Variants in MAPKAP1 observed in about 807,000 individuals in gnomAD.
MAPKAP1 encodes MAPK associated protein 1.
MAPKAP1 carries 20 observed loss-of-function variants against 65.7 expected under a neutral mutation model. That is an observed-to-expected ratio of 0.30 (90% CI 0.21 to 0.44). The LOEUF (loss-of-function observed/expected upper bound fraction) is 0.44. Among genes scored for constraint, MAPKAP1 ranks in the 20% least tolerant of loss-of-function variants. The probability of loss-of-function intolerance (pLI) is 1.00; values close to 1 mark genes in which losing one functional copy is unlikely to be tolerated. For missense variants in MAPKAP1, 423 were observed against 648.0 expected (o/e 0.65, Z 3.77); for synonymous variants, 222 against 244.3 (o/e 0.91, Z 0.85).
At chr9:125,598,180 A>G (rs994574514) in intron 4 of MAPKAP1, among the ~76,000 whole-genome samples, 2 of 152,154 alleles carry the variant, frequency 1.3e-5, no homozygotes, top group East Asian at 1.9e-4. Flanking sequence ...TCAAAATGGT[A>G]ATACTGAATT....
chr9:125,521,507 A>G lies in MAPKAP1; in HGVS notation c.959-15090T>C, dbSNP rs982038033. 6 of 1,287,338 alleles carry G rather than the reference A, an allele frequency of 4.7e-6. No individual in the cohort carries two copies. The African/African-American group carries it at 7.7e-5, about 17-fold the overall frequency. 79.7% of individuals were successfully genotyped at this position (1,287,338 alleles called of 1,614,324 possible). On this transcript the variant is annotated intron_variant, in intron 7 of 11. Transcript: ENST00000265960. ...ACAGTCATTTATTTTAAACAATTGT[A>G]AAATAGTTTATGGAAACCAGTGGGG...
In MAPKAP1 at chr9:125,594,566, T is replaced by C. The variant is rs1832068584; in HGVS notation, c.499-8839A>G. 2.0e-5 allele frequency among the ~76,000 whole-genome samples: 3 copies of C among 152,262 alleles called. No homozygotes were observed. In the South Asian group the frequency reaches 6.2e-4, roughly 31 times the overall value. On this transcript the variant is annotated intron_variant, in intron 4 of 11. Coordinates refer to ENST00000265960, the MANE Select transcript of MAPKAP1 (RefSeq NM_001006617.3). The stretch of plus-strand genomic sequence containing the variant: ...TGATCAAGAAACATAGCTCTTCTTC[T>C]GTCCTTCAATTCAAATATCACCTCT...
intron 6 of MAPKAP1, among the ~76,000 whole-genome samples, chr9:125,549,565 T>A (rs1359742503): frequency 6.6e-6 from 1 of 152,188 alleles, no homozygotes; most frequent in Admixed American, 6.5e-5. Flanking sequence ...ATGCGATGTT[T>A]GACATTGGAC....
At chr9:125,497,786 A>G (rs1186792419) in intron 8 of MAPKAP1, among the ~76,000 whole-genome samples, 5 of 152,256 alleles carry the variant, frequency 3.3e-5, no homozygotes, top group African/African-American at 1.2e-4. Context: ...TTAGTATTCC[A>G]TAAAGCCAGT....
At chr9:125,534,594 C>T (rs1407961723) in intron 7 of MAPKAP1, among the ~76,000 whole-genome samples, 1 of 152,198 alleles carries the variant, frequency 6.6e-6, no homozygotes, top group Non-Finnish European at 1.5e-5. Context: ...GCATTGGTGT[C>T]TCTGCTTCAT....
chr9:125,653,236 A>G (rs1433222253), intron 4 of MAPKAP1, among the ~76,000 whole-genome samples: 1 of 152,250 alleles, frequency 6.6e-6, no homozygotes, highest in Non-Finnish European at 1.5e-5. Context: ...GAAACAGAGT[A>G]ACAAAAGACA....
rs192548051 is a variant in MAPKAP1 at position 125,616,957 on chromosome 9, A to C, written c.499-31230T>G. On this transcript the variant is annotated intron_variant, in intron 4 of 11. Coordinates refer to ENST00000265960, the MANE Select transcript of MAPKAP1 (RefSeq NM_001006617.3). ...AAAATAGCATGCATTTGTACTTAGT[A>C]AAGGTTAAGTATTTTTCTATGAAAA... 2.9e-3 allele frequency among the ~76,000 whole-genome samples: 446 copies of C among 152,382 alleles called. 3 individuals carry two copies. The highest frequency in any genetic ancestry group is 4.0e-3 in the Non-Finnish European group (269 of 68,038).
At chr9:125,583,590 G>A (rs1299005730) in intron 5 of MAPKAP1, among the ~76,000 whole-genome samples, 1 of 152,162 alleles carries the variant, frequency 6.6e-6, no homozygotes, top group East Asian at 1.9e-4. Context: ...AGATTGTTGG[G>A]TTTTAATACT....
At chr9:125,651,897 C>T (rs1833904360) in intron 4 of MAPKAP1, among the ~76,000 whole-genome samples, 1 of 152,220 alleles carries the variant, frequency 6.6e-6, no homozygotes, top group Admixed American at 6.5e-5. Context: ...ACTGCCTCAG[C>T]TCAGGCAGCA....
At chr9:125,674,422 C>G (rs919290474) in intron 1 of MAPKAP1, among the ~76,000 whole-genome samples, 1 of 152,202 alleles carries the variant, frequency 6.6e-6, no homozygotes, top group African/African-American at 2.4e-5. Flanking sequence ...ATCTGAGTGA[C>G]TTCCCTGCCC....
chr9:125,642,761 C>T (rs893950380), intron 4 of MAPKAP1, among the ~76,000 whole-genome samples: 1 of 152,144 alleles, frequency 6.6e-6, no homozygotes, highest in Non-Finnish European at 1.5e-5. Context: ...TCCACATTTT[C>T]ACTATTTTCT....
intron 4 of MAPKAP1, chr9:125,652,242 A>G (rs968071599): frequency 7.7e-7 from 1 of 1,291,630 alleles, no homozygotes. Flanking sequence ...ATTATCCGAC[A>G]TAGACTGGAA....
intron 8 of MAPKAP1, among the ~76,000 whole-genome samples, chr9:125,497,520 C>T (rs1828842869): frequency 6.6e-6 from 1 of 152,182 alleles, no homozygotes; most frequent in African/African-American, 2.4e-5. Flanking sequence ...TTCTATAAAA[C>T]AAGGATGATG....
intron 9 of MAPKAP1, among the ~76,000 whole-genome samples, chr9:125,470,920 C>T (rs191404600): frequency 5.9e-5 from 9 of 152,328 alleles, no homozygotes; most frequent in Admixed American, 3.9e-4. Context: ...TTGGCAGGGG[C>T]TCCCAACACT....
At chr9:125,615,203 G>A (rs1832710818) in intron 4 of MAPKAP1, among the ~76,000 whole-genome samples, 1 of 151,030 alleles carries the variant, frequency 6.6e-6, no homozygotes, top group African/African-American at 2.4e-5. Context: ...TAACAACAAT[G>A]ACAAACTATA....
intron 7 of MAPKAP1, among the ~76,000 whole-genome samples, chr9:125,540,914 T>A (rs960657843): frequency 6.6e-5 from 10 of 152,336 alleles, no homozygotes; most frequent in African/African-American, 2.4e-4. Context: ...AAACACAAGA[T>A]GTACCCTGCC....
At chr9:125,482,647 A>C (rs953826077) in intron 9 of MAPKAP1, among the ~76,000 whole-genome samples, 2 of 152,236 alleles carry the variant, frequency 1.3e-5, no homozygotes, top group African/African-American at 4.8e-5. Context: ...GAAATGATGT[A>C]CATAATTTTG....
chr9:125,694,048 G>T (rs1835312256), intron 1 of MAPKAP1, among the ~76,000 whole-genome samples: 1 of 151,870 alleles, frequency 6.6e-6, no homozygotes, highest in Non-Finnish European at 1.5e-5. Flanking sequence ...AATTTTTTAG[G>T]TTGGGCACGG....
chr9:125,653,460 T>C (rs996834324), intron 4 of MAPKAP1, among the ~76,000 whole-genome samples: 3 of 152,198 alleles, frequency 2.0e-5, no homozygotes, highest in Admixed American at 1.3e-4. Flanking sequence ...AGATTCATCT[T>C]AGGAGATGAG....
Sources: allele counts gnomAD v4.1 joint callset (sites outside exome capture counted in the v4.1 genomes callset), GRCh38; gene constraint gnomAD v4.1.1; transcripts MANE v1.5; gene names NCBI Gene and HGNC (gene_info 2026-07-23, HGNC 2026-07-21).